Variants in KIRREL3 observed in about 807,000 individuals in gnomAD.
The protein encoded by KIRREL3 is kirre like nephrin family adhesion molecule 3.
In KIRREL3, 36 loss-of-function variants were observed where a neutral mutation model predicts 89.7. The ratio of observed to expected loss-of-function variants is 0.40; its 90% confidence interval spans 0.31 to 0.53. The LOEUF (loss-of-function observed/expected upper bound fraction) is 0.53, where lower values mean the gene tolerates loss of function less well. Ranked by LOEUF, KIRREL3 falls within the 20% of genes least tolerant of loss-of-function variation. The pLI, the probability that KIRREL3 is intolerant of heterozygous loss-of-function variation, is 0.49. For missense variants in KIRREL3, 864 were observed against 1,056.6 expected, an observed-to-expected ratio of 0.82 and a Z score of 2.53; for synonymous variants, 445 against 441.4, an observed-to-expected ratio of 1.01 and a Z score of -0.10.
At chr11:126,466,441 G>A (rs111779254) in intron 5 of KIRREL3, among the ~76,000 whole-genome samples, 7,600 of 152,270 alleles carry the variant, frequency 0.05, 210 homozygotes, top group Middle Eastern at 0.13. Context: ...GCTGCAGGAC[G>A]ACTGAGGGGA....
chr11:126,861,046 G>A lies in KIRREL3; in HGVS notation c.55+139409C>T, dbSNP rs372842227. On this transcript the variant is annotated intron_variant, in intron 1 of 16. Coordinates refer to ENST00000525144, the MANE Select transcript of KIRREL3 (RefSeq NM_032531.4). ...TAGATTTATTTTAATTTGTGTACTC[G>A]TTTTGTTTGTTCTCACATGGGTAGG... Among the ~76,000 whole-genome samples, 19 of 152,150 alleles carry A rather than the reference G, an allele frequency of 1.2e-4. No homozygotes were observed. In the East Asian group the frequency reaches 2.7e-3, roughly 22 times the overall value.
rs1489363940 is a variant in KIRREL3, at chr11:126,455,517, G to A, written c.848+832C>T. The stretch of plus-strand genomic sequence containing the variant: ...AAACAGTGATGCTTTGGCCGGGTGC[G>A]GTGGCTCATGCCTGTAATCCCAGCA... On this transcript the variant is annotated intron_variant, in intron 7 of 16. Transcript: ENST00000525144. This position sits in a 1 kb window ranked among gnomAD's most constrained non-coding sequence, Gnocchi z 6.4. 6.6e-6 allele frequency among the ~76,000 whole-genome samples: 1 copy of A among 152,130 alleles called. No homozygotes were observed. The highest frequency in any genetic ancestry group is 1.5e-5 in the Non-Finnish European group (1 of 68,028).
intron 1 of KIRREL3, among the ~76,000 whole-genome samples, chr11:126,775,137 C>G (rs934176565): frequency 6.6e-6 from 1 of 152,164 alleles, no homozygotes; most frequent in Non-Finnish European, 1.5e-5. Flanking sequence ...AGAACAGTTT[C>G]CCCTTCTTAG....
chr11:126,935,338 A>G (rs896830918), intron 1 of KIRREL3: 1 of 151,886 alleles, frequency 6.6e-6, no homozygotes, highest in African/African-American at 2.4e-5. Context: ...GAAAAGAAAC[A>G]TACTCTCACT....
chr11:126,479,715 G>A (rs982588169), intron 4 of KIRREL3, among the ~76,000 whole-genome samples: 2 of 152,154 alleles, frequency 1.3e-5, no homozygotes, highest in African/African-American at 2.4e-5. Flanking sequence ...TGCTCCCTTC[G>A]CTCCCCCGGG....
intron 1 of KIRREL3, among the ~76,000 whole-genome samples, chr11:126,914,868 C>A (rs537168075): frequency 1.3e-5 from 2 of 152,158 alleles, no homozygotes; most frequent in African/African-American, 2.4e-5. Flanking sequence ...GCCAAATGTA[C>A]GTTGAAAAGT....
rs976084152 is a variant in KIRREL3, at chr11:126,830,317, C to T, written c.55+170138G>A. Among the ~76,000 whole-genome samples the T allele has an allele frequency of 6.6e-6, 1 of 152,188 alleles. No homozygotes were observed. Among genetic ancestry groups the T allele is most frequent in the Non-Finnish European group, 1.5e-5 (1 of 68,038 alleles). On this transcript the variant is annotated intron_variant, in intron 1 of 16. Transcript: ENST00000525144. This position sits in a 1 kb window ranked among gnomAD's most constrained non-coding sequence, Gnocchi z 4.9. The stretch of plus-strand genomic sequence containing the variant: ...AATATTTTGTTTGGGTTCCCACTTG[C>T]CACTTTCCATCCTCCTGCTTCATAA...
chr11:126,670,515 T>A (rs1361354989), intron 1 of KIRREL3, among the ~76,000 whole-genome samples: 1 of 152,192 alleles, frequency 6.6e-6, no homozygotes, highest in Non-Finnish European at 1.5e-5. Flanking sequence ...AATAAAACTG[T>A]CTTTATTCTC....
chr11:126,578,905 C>G lies in KIRREL3; in HGVS notation c.56-15993G>C, dbSNP rs1362476471. On this transcript the variant is annotated intron_variant, in intron 1 of 16. Coordinates refer to ENST00000525144, the MANE Select transcript of KIRREL3 (RefSeq NM_032531.4). This position sits in a 1 kb window ranked among gnomAD's most constrained non-coding sequence, Gnocchi z 4.9. The stretch of plus-strand genomic sequence containing the variant: ...TATCTACCCTGCAAAATACTTTTCA[C>G]ACACTCTCTCACTTATCCTCACCAT... 6.6e-6 allele frequency among the ~76,000 whole-genome samples: 1 copy of G among 152,176 alleles called. No individual in the cohort carries two copies. Among genetic ancestry groups the G allele is most frequent in the Non-Finnish European group, 1.5e-5 (1 of 68,042 alleles).
intron 1 of KIRREL3, among the ~76,000 whole-genome samples, chr11:126,702,790 A>G (rs1271823661): frequency 6.6e-6 from 1 of 152,174 alleles, no homozygotes; most frequent in East Asian, 1.9e-4. Context: ...GATGCTCTGC[A>G]GAGAGTGTGT....
rs1046532806 is a variant in KIRREL3 at position 126,808,105 on chromosome 11, C to A, written c.55+192350G>T. On this transcript the variant is annotated intron_variant, in intron 1 of 16. Transcript: ENST00000525144. This position sits in a 1 kb window ranked among gnomAD's most constrained non-coding sequence, Gnocchi z 4.1. Reference sequence around the variant, plus strand: ...CTGCAAGTGGTAGATGCTCTCCAGGCCAGCTGCAGGACTGCAGATACTGAC... The same window carrying A: ...CTGCAAGTGGTAGATGCTCTCCAGGACAGCTGCAGGACTGCAGATACTGAC... 3.3e-5 allele frequency among the ~76,000 whole-genome samples: 5 copies of A among 152,158 alleles called. No homozygotes were observed. The highest frequency in any genetic ancestry group is 1.2e-4 in the African/African-American group (5 of 41,438).
chr11:126,826,143 A>G (rs1943402956), intron 1 of KIRREL3, among the ~76,000 whole-genome samples: 2 of 152,086 alleles, frequency 1.3e-5, no homozygotes, highest in South Asian at 2.1e-4. Context: ...TGTCTTCCCC[A>G]TGGTATTTGT....
intron 1 of KIRREL3, among the ~76,000 whole-genome samples, chr11:126,732,640 T>C (rs1181607117): frequency 6.6e-6 from 1 of 152,248 alleles, no homozygotes; most frequent in Non-Finnish European, 1.5e-5. Context: ...TGGAGTTGAC[T>C]TGGGCAGCCT....
chr11:126,828,486 A>G (rs1040142795), intron 1 of KIRREL3, among the ~76,000 whole-genome samples: 1 of 152,166 alleles, frequency 6.6e-6, no homozygotes, highest in African/African-American at 2.4e-5. Context: ...AATAATATGG[A>G]ATTCTAAAAA....
In KIRREL3 at chr11:126,436,899, G is replaced by T. The variant is rs367818668; in HGVS notation, c.1464C>A (p.Ile488=). 4 of 1,613,454 alleles carry T rather than the reference G, an allele frequency of 2.5e-6. No homozygotes were observed. The African/African-American group carries it at 4.0e-5, about 16-fold the overall frequency. Residue 488 remains isoleucine, a synonymous_variant, in exon 12 of 17, where the codon ATC becomes ATA. Transcript: ENST00000525144. ...AGATGGTCTGGAAGTCGGCCCGCACGATGTTGCTGATGGTCAGGGTGGAGA... is the reference window on the plus strand; with the variant it reads ...AGATGGTCTGGAAGTCGGCCCGCACTATGTTGCTGATGGTCAGGGTGGAGA... ...GVISTLTISN[I]VRADFQTIYN...
rs910539482 is a variant in KIRREL3 at position 126,462,923 on chromosome 11, T to A, written c.742+234A>T. On this transcript the variant is annotated intron_variant, in intron 6 of 16. Transcript: ENST00000525144. The surrounding 1 kb of genome is among the most constrained non-coding windows in gnomAD (Gnocchi z 4.8). ...GTGTGAAAGTCCCACCTTGTACAGG[T>A]GTTGAAATGTGGCCTGAAGATGTCC... is the stretch of plus-strand genomic sequence containing the variant. Among the ~76,000 whole-genome samples, 1 of 152,136 alleles carries A rather than the reference T, an allele frequency of 6.6e-6. No homozygotes were observed. Among genetic ancestry groups the A allele is most frequent in the Non-Finnish European group, 1.5e-5 (1 of 68,030 alleles).
intron 1 of KIRREL3, among the ~76,000 whole-genome samples, chr11:126,634,119 G>T (rs992221030): frequency 6.6e-6 from 1 of 152,170 alleles, no homozygotes; most frequent in Non-Finnish European, 1.5e-5. Flanking sequence ...CTCTTTTTCT[G>T]GGGTGATCCA....
At position 126,561,755 on chromosome 11, in the gene KIRREL3, C is replaced by G. The variant is rs2134582642; in HGVS notation, c.133+1080G>C. ...ACTTCCTGTGCTTAATTGTGCTGGC[C>G]TAACTCTTGTCAGATTGTCACCATG... On this transcript the variant is annotated intron_variant, in intron 2 of 16. Transcript: ENST00000525144. The surrounding 1 kb of genome is among the most constrained non-coding windows in gnomAD (Gnocchi z 4.5). Among the ~76,000 whole-genome samples the G allele has an allele frequency of 6.6e-6, 1 of 152,292 alleles. No individual in the cohort carries two copies. The highest frequency in any genetic ancestry group is 2.4e-5 in the African/African-American group (1 of 41,554).
At position 126,940,047 on chromosome 11, in the gene KIRREL3, G is replaced by C. The variant is rs924058880; in HGVS notation, c.55+60408C>G. On this transcript the variant is annotated intron_variant, in intron 1 of 16. Transcript: ENST00000525144. The surrounding 1 kb of genome is among the most constrained non-coding windows in gnomAD (Gnocchi z 4.6). ...ACTCTTCTAGCTACAGGCTTTCCCA[G>C]AGCCCATCTCTGGGGATAAAATGGA... Among the ~76,000 whole-genome samples, 1 of 152,082 alleles carries C rather than the reference G, an allele frequency of 6.6e-6. No individual in the cohort carries two copies. Among genetic ancestry groups the C allele is most frequent in the Non-Finnish European group, 1.5e-5 (1 of 68,036 alleles).
Sources: allele counts gnomAD v4.1 joint callset (sites outside exome capture counted in the v4.1 genomes callset), GRCh38; gene constraint gnomAD v4.1.1; non-coding constraint Gnocchi (gnomAD v3.1); transcripts MANE v1.5; gene names NCBI Gene and HGNC (gene_info 2026-07-23, HGNC 2026-07-21).